Variants in XYLT1 observed in about 807,000 individuals in gnomAD.
The protein encoded by XYLT1 is xylosyltransferase 1.
Under a neutral mutation model 91.3 loss-of-function variants are expected in XYLT1, and 36 were observed. That is an observed-to-expected ratio of 0.39 (90% CI 0.30 to 0.52). The LOEUF (loss-of-function observed/expected upper bound fraction) is 0.52. Ranked by LOEUF, XYLT1 falls within the 20% of genes least tolerant of loss-of-function variation. The pLI, the probability that XYLT1 is intolerant of heterozygous loss-of-function variation, is 0.68. For synonymous variants in XYLT1, 588 were observed against 532.0 expected (o/e 1.11, Z -1.45); for missense variants, 1,242 against 1,284.5 (o/e 0.97, Z 0.51).
chr16:17,222,204 T>C (rs184606659), intron 3 of XYLT1, among the ~76,000 whole-genome samples: 1 of 152,320 alleles, frequency 6.6e-6, no homozygotes, highest in East Asian at 1.9e-4. Context: ...TTATATTTTA[T>C]GTCACAGAAA....
intron 2 of XYLT1, among the ~76,000 whole-genome samples, chr16:17,332,790 G>A (rs1342034064): frequency 6.6e-6 from 1 of 152,012 alleles, no homozygotes; most frequent in South Asian, 2.1e-4. Context: ...TCCTAGACTG[G>A]CCATTTATAG....
chr16:17,148,174 G>A (rs2141528882), intron 6 of XYLT1, among the ~76,000 whole-genome samples: 1 of 152,342 alleles, frequency 6.6e-6, no homozygotes, highest in South Asian at 2.1e-4. Flanking sequence ...CAGCTGCAAA[G>A]TGTGATGGAT....
At chr16:17,226,689 G>A (rs1224777126) in intron 3 of XYLT1, among the ~76,000 whole-genome samples, 2 of 152,134 alleles carry the variant, frequency 1.3e-5, no homozygotes, top group Non-Finnish European at 2.9e-5. Flanking sequence ...AGGCTGAGGT[G>A]GGAGGATGGC....
At chr16:17,293,441 C>T (rs2141801234) in intron 2 of XYLT1, among the ~76,000 whole-genome samples, 1 of 151,462 alleles carries the variant, frequency 6.6e-6, no homozygotes, top group South Asian at 2.1e-4. Flanking sequence ...TATGTATTTA[C>T]TCCCAAACCA....
intron 1 of XYLT1, among the ~76,000 whole-genome samples, chr16:17,364,537 T>G (rs1309118632): frequency 6.6e-6 from 1 of 152,198 alleles, no homozygotes; most frequent in Non-Finnish European, 1.5e-5. Flanking sequence ...TACTCAACCC[T>G]ACTAAACCAC....
In XYLT1 at chr16:17,135,342, A is replaced by G. The variant is rs182669288; in HGVS notation, c.1765-607T>C. On this transcript the variant is annotated intron_variant, in intron 8 of 11. Coordinates refer to ENST00000261381, the MANE Select transcript of XYLT1 (RefSeq NM_022166.4). ...ATTTCAGCCAACTTGCAGACTCACAAGGGATCGGAATCTCTGGGACTTTGA... is the reference window on the plus strand; with the variant it reads ...ATTTCAGCCAACTTGCAGACTCACAGGGGATCGGAATCTCTGGGACTTTGA... 2.6e-3 allele frequency among the ~76,000 whole-genome samples: 401 copies of G among 152,170 alleles called. 1 individual carries two copies. The highest frequency in any genetic ancestry group is 3.8e-3 in the Non-Finnish European group (255 of 67,992).
chr16:17,251,717 T>C (rs2033541109), intron 3 of XYLT1, among the ~76,000 whole-genome samples: 1 of 152,174 alleles, frequency 6.6e-6, no homozygotes, highest in Non-Finnish European at 1.5e-5. Flanking sequence ...GATTGCCTCC[T>C]ATGGGTCGCA....
At chr16:17,188,675 C>T (rs960362894) in intron 5 of XYLT1, among the ~76,000 whole-genome samples, 3 of 152,210 alleles carry the variant, frequency 2.0e-5, no homozygotes, top group East Asian at 3.8e-4. Context: ...CATATGTGCA[C>T]TCCTGTGATC....
In XYLT1 at chr16:17,393,774, T is replaced by C. The variant is rs555677243; in HGVS notation, c.364-35724A>G. Among the ~76,000 whole-genome samples, 27 of 151,370 alleles carry C rather than the reference T, an allele frequency of 1.8e-4. No homozygotes were observed. The South Asian group carries it at 5.4e-3, about 30-fold the overall frequency. ...AAAGAATTAATTAATTAATTATTATTATTATTATTATTATTTTTTGAGATG... is the reference window on the plus strand; with the variant it reads ...AAAGAATTAATTAATTAATTATTATCATTATTATTATTATTTTTTGAGATG... On this transcript the variant is annotated intron_variant, in intron 1 of 11. Transcript: ENST00000261381.
rs1487483125 is a variant in XYLT1, at chr16:17,307,371, G to A, written c.403-47873C>T. Among the ~76,000 whole-genome samples, 7 of 152,298 alleles carry A rather than the reference G, an allele frequency of 4.6e-5. No homozygotes were observed. In the East Asian group the frequency reaches 1.4e-3, roughly 29 times the overall value. ...ATTATAGGCATGAGCCACCATGCCT[G>A]GCCGAGTCTGCAGTTTTAATGCCTT... On this transcript the variant is annotated intron_variant, in intron 2 of 11. Coordinates refer to ENST00000261381, the MANE Select transcript of XYLT1 (RefSeq NM_022166.4).
chr16:17,135,834 T>C (rs192530324), intron 8 of XYLT1, among the ~76,000 whole-genome samples: 271 of 152,356 alleles, frequency 1.8e-3, no homozygotes, highest in African/African-American at 6.2e-3. Flanking sequence ...AGCTTCGCTT[T>C]TATAGCATAA....
chr16:17,445,052 T>A (rs2036575786), intron 1 of XYLT1, among the ~76,000 whole-genome samples: 4 of 152,218 alleles, frequency 2.6e-5, no homozygotes. Flanking sequence ...CAGACTGAAG[T>A]GCAGTAGCAC....
chr16:17,230,108 G>A (rs1019001867), intron 3 of XYLT1, among the ~76,000 whole-genome samples: 2 of 152,228 alleles, frequency 1.3e-5, no homozygotes, highest in Non-Finnish European at 2.9e-5. Flanking sequence ...CCCTGCTCAT[G>A]CCTTGAGTGT....
intron 4 of XYLT1, 80 bp from the exon 5 acceptor site, chr16:17,198,494 C>G: frequency 4.2e-6 from 6 of 1,421,308 alleles, no homozygotes; most frequent in Non-Finnish European, 4.8e-6. Context: ...TGTCCCCTCT[C>G]TGTGTCTTCC....
In XYLT1 at chr16:17,327,602, TCCCGCCCCCCCCCCCCC is replaced by T. The variant is rs1453400339; in HGVS notation, c.402+30393_402+30409del. Among the ~76,000 whole-genome samples the T allele has an allele frequency of 2.2e-4, 24 of 107,124 alleles. 3 individuals carry two copies. Among genetic ancestry groups the T allele is most frequent in the African/African-American group, 7.6e-4 (21 of 27,638 alleles). The allele number at this position is 107,124 out of a possible 152,430, so 70.3% of individuals were successfully genotyped here. ...TGGTCTCAATCTCCTGACCTCGTGA[TCCCGCCCCCCCCCCCCC>T]CCCCCCCCCGCCTCGGCCTCCCAAA... On this transcript the variant is annotated intron_variant, in intron 2 of 11. Coordinates refer to ENST00000261381, the MANE Select transcript of XYLT1 (RefSeq NM_022166.4).
intron 10 of XYLT1, among the ~76,000 whole-genome samples, chr16:17,125,776 G>T (rs976790340): frequency 2.0e-5 from 3 of 152,066 alleles, no homozygotes; most frequent in Non-Finnish European, 4.4e-5. Flanking sequence ...TCACTGGCTG[G>T]CTGTCTCATT....
At chr16:17,316,400 TTTA>T (rs1276725395) in intron 2 of XYLT1, among the ~76,000 whole-genome samples, 3 of 152,156 alleles carry the variant, frequency 2.0e-5, no homozygotes, top group African/African-American at 7.2e-5. Flanking sequence ...TTTTTATTTA[TTTA>T]TTTATTTATT....
chr16:17,384,075 T>C (rs2141886100), intron 1 of XYLT1, among the ~76,000 whole-genome samples: 1 of 151,926 alleles, frequency 6.6e-6, no homozygotes, highest in South Asian at 2.1e-4. Flanking sequence ...CTCTTAAAGC[T>C]TTCCGGTTTC....
At chr16:17,301,664 A>T (rs1215086853) in intron 2 of XYLT1, among the ~76,000 whole-genome samples, 1 of 152,186 alleles carries the variant, frequency 6.6e-6, no homozygotes, top group Admixed American at 6.5e-5. Flanking sequence ...GTTTAAATAC[A>T]ATAATAGATG....
Sources: gnomAD v4.1 joint callset for allele counts (sites outside exome capture counted in the v4.1 genomes callset) on GRCh38, gnomAD v4.1.1 for gene constraint, MANE v1.5 for transcripts, NCBI Gene and HGNC (gene_info 2026-07-23, HGNC 2026-07-21) for gene names.